Variants in CD109 observed in about 807,000 individuals in gnomAD.
CD109 encodes CD109 antigen.
CD109 carries 149 observed loss-of-function variants against 165.8 expected under a neutral mutation model. That is an observed-to-expected ratio of 0.90 (90% CI 0.79 to 1.03). CD109 has a LOEUF of 1.03. Among genes scored for constraint, CD109 ranks in the 50% least tolerant of loss-of-function variants. The pLI is 0.00. For synonymous variants in CD109, 585 were observed against 592.1 expected, an observed-to-expected ratio of 0.99 and a Z score of 0.18; for missense variants, 1,712 against 1,677.8, an observed-to-expected ratio of 1.02 and a Z score of -0.36.
the CD109 span, among the ~76,000 whole-genome samples, chr6:73,685,375 T>A: frequency 3.3e-5 from 5 of 152,166 alleles, no homozygotes; most frequent in African/African-American, 1.2e-4. Context: ...GCTTTTTAGT[T>A]TGATGCAATC....
At chr6:73,818,583 G>A in intron 31 of CD109, 48 bp downstream of exon 31, 1 of 1,530,446 alleles carries the variant, frequency 6.5e-7, no homozygotes, top group Non-Finnish European at 8.9e-7. Context: ...ACTGTGTTTT[G>A]TATTCAGGTG....
chr6:73,701,792 A>T (rs532363829), intron 2 of CD109, among the ~76,000 whole-genome samples: 30 of 152,306 alleles, frequency 2.0e-4, no homozygotes, highest in South Asian at 8.3e-4. Context: ...TTAAGAAAAA[A>T]TGCTAGAGGC....
chr6:73,724,213 C>G (rs1772057744), intron 3 of CD109, among the ~76,000 whole-genome samples: 1 of 152,152 alleles, frequency 6.6e-6, no homozygotes, highest in Admixed American at 6.5e-5. Flanking sequence ...CCTCACTCAC[C>G]TCACCATAGC....
upstream of CD109, chr6:73,694,588 C>T (rs1398928705): frequency 1.3e-5 from 2 of 152,214 alleles, no homozygotes; most frequent in Admixed American, 6.6e-5. Context: ...TTCTTAATTG[C>T]CTTTGCTCAT....
chr6:73,771,333 A>G, intron 14 of CD109, 96 bp from the exon 15 acceptor site: 1 of 928,764 alleles, frequency 1.1e-6, no homozygotes, highest in Non-Finnish European at 1.6e-6. Context: ...AGGCAAATGT[A>G]GAATCTTTGC....
Position 73,827,376 on chromosome 6 carries a change from CAGA to C in CD109, c.*3747_*3749del, listed in dbSNP as rs1776310248. ...TCGGTAGAGGCTTCTGTCGGACAGG[CAGA>C]AGAGTGTATTCCTCACTTTTTTTTT... On this transcript the variant is annotated 3_prime_UTR_variant, in exon 33 of 33. Transcript: ENST00000287097. 1 of 151,750 alleles carries C rather than the reference CAGA, an allele frequency of 6.6e-6. No individual in the cohort carries two copies. Among genetic ancestry groups the C allele is most frequent in the Non-Finnish European group, 1.5e-5 (1 of 67,962 alleles). The allele number at this position is 151,750 out of a possible 1,614,324, so 9.4% of individuals were successfully genotyped here.
At chr6:73,745,360 C>A (rs944187585) in intron 5 of CD109, among the ~76,000 whole-genome samples, 32 of 152,168 alleles carry the variant, frequency 2.1e-4, no homozygotes, top group African/African-American at 6.5e-4. Flanking sequence ...CCGCCCTGGC[C>A]TCCCAAAGTG....
At chr6:73,679,347 T>G in the CD109 span, among the ~76,000 whole-genome samples, 1 of 152,000 alleles carries the variant, frequency 6.6e-6, no homozygotes, top group South Asian at 2.1e-4. Flanking sequence ...TAGAATGTCA[T>G]GTGAAATGTA....
At position 73,780,497 on chromosome 6, in the gene CD109, A is replaced by T. The variant is rs749734314; in HGVS notation, c.1901A>T (p.Gln634Leu). 10 of 1,597,176 alleles carry T rather than the reference A, an allele frequency of 6.3e-6. No homozygotes were observed. The South Asian group carries it at 1.1e-4, about 18-fold the overall frequency. The change falls in exon 16 of 33, where the codon CAG (glutamine) becomes CTG (leucine). Residue 634 changes from glutamine to leucine, a missense_variant and splice_region_variant. Transcript: ENST00000287097. Reference protein sequence around the residue: ...GMFMNSFAVFQECGLWVLTDA... With the variant: ...GMFMNSFAVFLECGLWVLTDA... Reference sequence around the variant, plus strand: ...TTCATGAATTCTTTTGCAGTCTTTCAGGTATGTTTTGCTTGCTATATTGAA... The same window carrying T: ...TTCATGAATTCTTTTGCAGTCTTTCTGGTATGTTTTGCTTGCTATATTGAA...
intron 20 of CD109, among the ~76,000 whole-genome samples, chr6:73,786,369 C>A (rs1431402144): frequency 2.0e-5 from 3 of 151,896 alleles, no homozygotes; most frequent in African/African-American, 7.3e-5. Flanking sequence ...TCTTTAGGCA[C>A]TTTATATATA....
At chr6:73,795,689 T>TC (rs1464417319) in intron 23 of CD109, among the ~76,000 whole-genome samples, 8 of 152,008 alleles carry the variant, frequency 5.3e-5, no homozygotes, top group Non-Finnish European at 1.0e-4. Context: ...AGTAGGCGAG[T>TC]TTCCCCTTGG....
chr6:73,792,761 C>A lies in CD109; in HGVS notation c.2837C>A (p.Thr946Lys). 1 of 1,611,610 alleles carries A rather than the reference C, an allele frequency of 6.2e-7. No homozygotes were observed. The highest frequency in any genetic ancestry group is 8.5e-7 in the Non-Finnish European group (1 of 1,179,622). ...LDYLTKKKQL[T>K]DNLKEKALSF... is the part of the protein sequence containing the mutation. Reference sequence around the variant, plus strand: ...TATCTGACTAAAAAGAAACAACTGACAGATAATTTGAAAGAAAAAGCTCTT... The same window carrying A: ...TATCTGACTAAAAAGAAACAACTGAAAGATAATTTGAAAGAAAAAGCTCTT... Residue 946 changes from threonine to lysine, a missense_variant, in exon 23 of 33, where the codon ACA becomes AAA. Thr to Lys is a moderately conservative substitution (Grantham distance 78, BLOSUM62 -1). Coordinates refer to ENST00000287097, the MANE Select transcript of CD109 (RefSeq NM_133493.5).
At chr6:73,784,835 A>T (rs1373725377) in intron 19 of CD109, among the ~76,000 whole-genome samples, 2 of 152,074 alleles carry the variant, frequency 1.3e-5, no homozygotes, top group Non-Finnish European at 2.9e-5. Context: ...TTTCCTCTTT[A>T]AATTTAGTCA....
chr6:73,729,170 A>T (rs141255941), intron 3 of CD109, among the ~76,000 whole-genome samples: 51 of 152,316 alleles, frequency 3.3e-4, no homozygotes, highest in Admixed American at 8.5e-4. Context: ...AGAGTGAGTG[A>T]TCCAAGCGAG....
At chr6:73,720,526 T>C (rs1375427220) in intron 2 of CD109, among the ~76,000 whole-genome samples, 1 of 152,190 alleles carries the variant, frequency 6.6e-6, no homozygotes, top group Non-Finnish European at 1.5e-5. Context: ...CAAGTAGTTA[T>C]GTGAGGTAAG....
intron 2 of CD109, 65 bp from the exon 3 acceptor site, chr6:73,723,186 G>A: frequency 6.2e-7 from 1 of 1,606,798 alleles, no homozygotes; most frequent in Non-Finnish European, 8.5e-7. Context: ...AGTTTTGGAA[G>A]GTTTGTATTC....
At chr6:73,720,764 C>G (rs1335971344) in intron 2 of CD109, among the ~76,000 whole-genome samples, 1 of 152,182 alleles carries the variant, frequency 6.6e-6, no homozygotes, top group Non-Finnish European at 1.5e-5. Flanking sequence ...AATCAGGATG[C>G]TGGAATAACA....
intron 4 of CD109, among the ~76,000 whole-genome samples, chr6:73,734,049 G>A (rs1215508993): frequency 1.3e-5 from 2 of 152,164 alleles, no homozygotes; most frequent in African/African-American, 2.4e-5. Context: ...TGGCTGTGTC[G>A]TAGCAGCAGA....
rs1315661082 is a variant in CD109 at position 73,730,463 on chromosome 6, C to A, written c.396C>A (p.Phe132Leu). Residue 132 changes from phenylalanine to leucine, a missense_variant, in exon 4 of 33, where the codon TTC becomes TTA. Physicochemically the swap from Phe to Leu is conservative, Grantham distance 22. Coordinates refer to ENST00000287097, the MANE Select transcript of CD109 (RefSeq NM_133493.5). ...TTGAGACCAAGAGAATATCTGTCTT[C>A]ATTCAAACAGACAAGGCCTTATACA... ...LSFETKRISVFIQTDKALYKP... is the reference protein window; with the variant it reads ...LSFETKRISVLIQTDKALYKP... 1 of 1,612,962 alleles carries A rather than the reference C, an allele frequency of 6.2e-7. No homozygotes were observed. The highest frequency in any genetic ancestry group is 8.5e-7 in the Non-Finnish European group (1 of 1,178,942).
Sources: gnomAD v4.1 joint callset for allele counts (sites outside exome capture counted in the v4.1 genomes callset) on GRCh38, gnomAD v4.1.1 for gene constraint, MANE v1.5 for transcripts, NCBI Gene and HGNC (gene_info 2026-07-23, HGNC 2026-07-21) for gene names.